PTPRS: variants seen among roughly 807,000 people sequenced by gnomAD.
The protein encoded by PTPRS is protein tyrosine phosphatase receptor type S, also known as receptor-type tyrosine-protein phosphatase S.
PTPRS carries 63 observed loss-of-function variants against 215.3 expected under a neutral mutation model. That is an observed-to-expected ratio of 0.29 (90% confidence interval 0.24 to 0.36). The LOEUF is 0.36. Ranked by LOEUF, PTPRS falls within the 10% of genes least tolerant of loss-of-function variation. The pLI, the probability that PTPRS is intolerant of heterozygous loss-of-function variation, is 1.00. For missense variants in PTPRS, 2,258 were observed against 2,825.8 expected, an observed-to-expected ratio of 0.80 and a Z score of 4.56; for synonymous variants, 1,404 against 1,191.4, an observed-to-expected ratio of 1.18 and a Z score of -3.68.
intron 20 of PTPRS, 90 bp from the exon 21 acceptor site, chr19:5,220,443 TGA>T (rs2041880190): frequency 2.8e-6 from 3 of 1,069,696 alleles, no homozygotes; most frequent in Non-Finnish European, 1.4e-6. Flanking sequence ...GCCGTTTCTC[TGA>T]GTCTTCCCTT....
Position 5,326,212 on chromosome 19 carries a change from C to T in PTPRS, c.-95+14452G>A, listed in dbSNP as rs138266152. Among the ~76,000 whole-genome samples, 953 of 152,170 alleles carry T rather than the reference C, an allele frequency of 6.3e-3. 13 individuals are homozygous for T. The highest frequency in any genetic ancestry group is 0.022 in the African/African-American group (926 of 41,494). ...GGCCATTGCACTCCAGCCTGGGCGA[C>T]AGAGTGAGACTCCATCTCAAGAAAA... is the stretch of plus-strand genomic sequence containing the variant. On this transcript the variant is annotated intron_variant, in intron 1 of 37. Transcript: ENST00000262963.
At chr19:5,238,778 T>G in intron 13 of PTPRS, 141 bp downstream of exon 13, 1 of 1,190,310 alleles carries the variant, frequency 8.4e-7, no homozygotes, top group Non-Finnish European at 1.1e-6. Flanking sequence ...GGATCCGAGG[T>G]CGGGGAACAA....
rs2041684018 is a variant in PTPRS, at chr19:5,218,460, C to T, written c.4008G>A (p.Lys1336=). ...NNADLAPHHP[K]DPVEMRRINF... ...TAATGCGTCTCATTTCCACAGGGTCCTTGGGGTGGTGAGGGGCGAGGTCGG... is the reference window on the plus strand; with the variant it reads ...TAATGCGTCTCATTTCCACAGGGTCTTTGGGGTGGTGAGGGGCGAGGTCGG... Residue 1336 remains lysine (K), a synonymous_variant, in exon 25 of 38, where the codon AAG becomes AAA. Coordinates refer to ENST00000262963, the MANE Select transcript of PTPRS (RefSeq NM_002850.4). 1 of 1,613,986 alleles carries T rather than the reference C, an allele frequency of 6.2e-7. No homozygotes were observed. The highest frequency in any genetic ancestry group is 1.1e-5 in the South Asian group (1 of 91,060).
At chr19:5,279,160 G>A (rs549082570) in intron 2 of PTPRS, among the ~76,000 whole-genome samples, 6 of 151,544 alleles carry the variant, frequency 4.0e-5, no homozygotes, top group East Asian at 4.0e-4. Flanking sequence ...CACTCCAGCC[G>A]GGGCAACAGA....
intron 4 of PTPRS, among the ~76,000 whole-genome samples, chr19:5,271,605 G>A (rs1367010057): frequency 6.6e-6 from 1 of 152,006 alleles, no homozygotes; most frequent in Non-Finnish European, 1.5e-5. Context: ...TCACCATGTT[G>A]GCCAGGCTGG....
In PTPRS at chr19:5,219,405, G is replaced by A. The variant is rs768318893; in HGVS notation, c.3828C>T (p.Ile1276=). Residue 1276 remains isoleucine (I), a synonymous_variant, in exon 23 of 38, where the codon ATC becomes ATT. Coordinates refer to ENST00000262963, the MANE Select transcript of PTPRS (RefSeq NM_002850.4). ...AGATAAGCCCCTCCTCGCCATCCAC[G>A]ATGGGCTGGGGGTCCGGGTTATCCA... ...FQLDNPDPQP[I]VDGEEGLIWV... 7.4e-6 allele frequency: 12 copies of A among 1,613,482 alleles called. No individual in the cohort carries two copies. Among genetic ancestry groups the A allele is most frequent in the Admixed American group, 1.7e-5 (1 of 59,960 alleles).
chr19:5,311,650 G>C (rs1181952631), intron 1 of PTPRS, among the ~76,000 whole-genome samples: 2 of 152,196 alleles, frequency 1.3e-5, no homozygotes, highest in East Asian at 3.9e-4. Context: ...CATCAAAGCT[G>C]TTCAGGGGAG....
chr19:5,323,123 G>A (rs150568232), intron 1 of PTPRS, among the ~76,000 whole-genome samples: 4,661 of 152,108 alleles, frequency 0.031, 93 homozygotes, highest in South Asian at 0.084. Context: ...TTGGGAGGCC[G>A]AGGAGGGCAG....
chr19:5,269,504 C>T (rs553619559), intron 4 of PTPRS, among the ~76,000 whole-genome samples: 42 of 152,090 alleles, frequency 2.8e-4, no homozygotes, highest in African/African-American at 8.7e-4. Flanking sequence ...CGGAGGTGCC[C>T]GGAGCTCAGG....
rs1427741172 is a variant in PTPRS at position 5,338,928 on chromosome 19, G to A, written c.-95+1736C>T. 6.6e-6 allele frequency among the ~76,000 whole-genome samples: 1 copy of A among 152,210 alleles called. No individual in the cohort carries two copies. ...ACCCCAAGGACAGCAGCGATAGGGG[G>A]CCACCCAGAGGAGGCCAGAATCCCA... On this transcript the variant is annotated intron_variant, in intron 1 of 37. Coordinates refer to ENST00000262963, the MANE Select transcript of PTPRS (RefSeq NM_002850.4). The surrounding 1 kb of genome is among the most constrained non-coding windows in gnomAD (Gnocchi z 4.2).
At position 5,210,331 on chromosome 19, in the gene PTPRS, C is replaced by G. The variant is rs1599350262; in HGVS notation, c.5487+138G>C. 1 of 1,301,972 alleles carries G rather than the reference C, an allele frequency of 7.7e-7. No homozygotes were observed. The highest frequency in any genetic ancestry group is 2.4e-5 in the East Asian group (1 of 42,526). 80.7% of individuals were successfully genotyped at this position (1,301,972 alleles called of 1,614,324 possible). On this transcript the variant is annotated intron_variant, in intron 35 of 37. Transcript: ENST00000262963. This position sits in a 1 kb window ranked among gnomAD's most constrained non-coding sequence, Gnocchi z 4.5. Reference sequence around the variant, plus strand: ...CTATGTGGCAGTAGAAGCAAGTGGCCAACTGGTCAGCTGACACTTCTCCTG... The same window carrying G: ...CTATGTGGCAGTAGAAGCAAGTGGCGAACTGGTCAGCTGACACTTCTCCTG...
In PTPRS at chr19:5,339,300, G is replaced by A. The variant is rs906680281; in HGVS notation, c.-95+1364C>T. On this transcript the variant is annotated intron_variant, in intron 1 of 37. Coordinates refer to ENST00000262963, the MANE Select transcript of PTPRS (RefSeq NM_002850.4). The surrounding 1 kb of genome is among the most constrained non-coding windows in gnomAD (Gnocchi z 4.2). ...TGGGGGAATGAGGTCCCAGGAGGTG[G>A]CTGGATTTGAGGAAGGGTTGCAGAG... 2.0e-5 allele frequency among the ~76,000 whole-genome samples: 3 copies of A among 152,160 alleles called. No individual in the cohort carries two copies. Among genetic ancestry groups the A allele is most frequent in the Non-Finnish European group, 4.4e-5 (3 of 68,044 alleles).
chr19:5,263,261 G>A (rs1256314008), intron 5 of PTPRS, among the ~76,000 whole-genome samples: 3 of 152,142 alleles, frequency 2.0e-5, no homozygotes, highest in Admixed American at 1.3e-4. Context: ...CCTATGAGCT[G>A]CAAACATCCT....
rs377564137 is a variant in PTPRS, at chr19:5,212,210, C to A, written c.4810G>T (p.Ala1604Ser). 2.5e-6 allele frequency: 4 copies of A among 1,613,246 alleles called. No individual in the cohort carries two copies. The African/African-American group carries it at 5.3e-5, about 22-fold the overall frequency. ...GRTGCFIVIDAMLERIKPEKT... is the reference protein window; with the variant it reads ...GRTGCFIVIDSMLERIKPEKT... ...TCTGGCTTGATCCGCTCAAGCATGGCGTCGATGACGATAAAGCAGCCTGTG... is the reference window on the plus strand; with the variant it reads ...TCTGGCTTGATCCGCTCAAGCATGGAGTCGATGACGATAAAGCAGCCTGTG... Residue 1604 changes from alanine (A) to serine (S), a missense_variant, in exon 32 of 38, where the codon GCC (alanine) becomes TCC (serine). This residue lies in a region of PTPRS where 927 missense variants were observed against 1,125.9 expected (regional missense o/e 0.82). Coordinates refer to ENST00000262963, the MANE Select transcript of PTPRS (RefSeq NM_002850.4).
At chr19:5,209,629 C>T (rs1021713022) in intron 35 of PTPRS, among the ~76,000 whole-genome samples, 1 of 152,152 alleles carries the variant, frequency 6.6e-6, no homozygotes, top group Non-Finnish European at 1.5e-5. Flanking sequence ...TTTCTCCACC[C>T]CCTGCTGGCC....
At chr19:5,226,841 G>A (rs1028209370) in intron 16 of PTPRS, among the ~76,000 whole-genome samples, 2 of 152,128 alleles carry the variant, frequency 1.3e-5, no homozygotes, top group African/African-American at 4.8e-5. Context: ...TTTCACTAGG[G>A]TTACTGTTCT....
chr19:5,318,573 T>A (rs1244500248), intron 1 of PTPRS, among the ~76,000 whole-genome samples: 1 of 152,074 alleles, frequency 6.6e-6, no homozygotes, highest in Non-Finnish European at 1.5e-5. Context: ...GAAGACTGAA[T>A]CGAAAGGCAC....
chr19:5,210,888 AC>A lies in PTPRS; in HGVS notation c.5235-84del. On this transcript the variant is annotated intron_variant, in intron 33 of 37. Coordinates refer to ENST00000262963, the MANE Select transcript of PTPRS (RefSeq NM_002850.4). The surrounding 1 kb of genome is among the most constrained non-coding windows in gnomAD (Gnocchi z 4.5). Reference sequence around the variant, plus strand: ...CCTGATGCTGCCCGGGAGGGTCAGGACCAAGCCAGTGACAGCTACACCTACC... The same window carrying A: ...CCTGATGCTGCCCGGGAGGGTCAGGACAAGCCAGTGACAGCTACACCTACC... The A allele has an allele frequency of 3.3e-6, 5 of 1,525,214 alleles. No individual in the cohort carries two copies. Among genetic ancestry groups the A allele is most frequent in the Non-Finnish European group, 4.4e-6 (5 of 1,138,944 alleles). The allele number at this position is 1,525,214 out of a possible 1,614,324, so 94.5% of individuals were successfully genotyped here.
chr19:5,212,166 A>G lies in PTPRS; in HGVS notation c.4854T>C (p.Tyr1618=), dbSNP rs1304183191. 5 of 1,613,972 alleles carry G rather than the reference A, an allele frequency of 3.1e-6. No homozygotes were observed. In the East Asian group the frequency reaches 8.9e-5, roughly 29 times the overall value. ...GGGACCTCATGAGCGTCACGTGGCC[A>G]TAGACATCGACTGTCTTCTCTGGCT... ...RIKPEKTVDV[Y]GHVTLMRSQR... The change falls in exon 32 of 38, where the codon TAT becomes TAC. Residue 1618 remains tyrosine (Y), a synonymous_variant. Coordinates refer to ENST00000262963, the MANE Select transcript of PTPRS (RefSeq NM_002850.4).
Sources: allele counts gnomAD v4.1 joint callset (sites outside exome capture counted in the v4.1 genomes callset), GRCh38; gene constraint gnomAD v4.1.1; regional missense constraint gnomAD v4.1.1; non-coding constraint Gnocchi (gnomAD v3.1); transcripts MANE v1.5; gene names NCBI Gene and HGNC (gene_info 2026-07-23, HGNC 2026-07-21).